The following IGDCC4 variants were observed in gnomAD, a reference collection of about 807,000 sequenced individuals.
The protein encoded by IGDCC4 is immunoglobulin superfamily DCC subclass member 4.
A neutral mutation model predicts 116.6 loss-of-function variants in IGDCC4; 72 were observed. The ratio of observed to expected loss-of-function variants is 0.62; its 90% CI spans 0.51 to 0.75. The LOEUF (loss-of-function observed/expected upper bound fraction) is 0.75. IGDCC4 is among the 30% of genes least tolerant of loss of function. The probability of loss-of-function intolerance (pLI) is 0.00; values close to 1 mark genes in which losing one functional copy is unlikely to be tolerated. For missense variants in IGDCC4, 1,501 were observed against 1,662.4 expected (o/e 0.90, Z 1.69); for synonymous variants, 709 against 719.9 (o/e 0.98, Z 0.24).
intron 16 of IGDCC4, among the ~76,000 whole-genome samples, chr15:65,387,218 G>C (rs889927450): frequency 6.6e-6 from 1 of 151,842 alleles, no homozygotes; most frequent in Non-Finnish European, 1.5e-5. Flanking sequence ...GTGGAGACAG[G>C]GTCTCACCAT....
intron 1 of IGDCC4, among the ~76,000 whole-genome samples, chr15:65,413,141 C>T (rs1056612046): frequency 6.6e-6 from 1 of 152,014 alleles, no homozygotes; most frequent in Admixed American, 6.6e-5. Context: ...GAAAGTCAGA[C>T]ATTCCCCCTT....
Position 65,393,465 on chromosome 15 carries a change from T to C in IGDCC4, c.1781A>G (p.Asn594Ser). 1 of 1,613,526 alleles carries C rather than the reference T, an allele frequency of 6.2e-7. No homozygotes were observed. Among genetic ancestry groups the C allele is most frequent in the East Asian group, 2.2e-5 (1 of 44,864 alleles). The change falls in exon 10 of 20, where the codon AAC (asparagine) becomes AGC (serine). Residue 594 changes from asparagine (N) to serine (S), a missense_variant. This residue lies in a region of IGDCC4 where 898 missense variants were observed against 978.9 expected (regional missense o/e 0.92). Transcript: ENST00000352385. The surrounding 1 kb of genome is among the most constrained non-coding windows in gnomAD (Gnocchi z 4.6). Reference protein sequence around the residue: ...TQLMLNSLQPNKVYRVRISAG... With the variant: ...TQLMLNSLQPSKVYRVRISAG... ...CGAAATCCGTACTCGATACACCTTG[T>C]TTGGCTGAAGCGAGTTCAGCATAAG... is the stretch of plus-strand genomic sequence containing the variant.
chr15:65,384,049 C>T lies in IGDCC4; in HGVS notation c.3713G>A (p.Ser1238Asn). 6.2e-7 allele frequency: 1 copy of T among 1,611,344 alleles called. No homozygotes were observed. The highest frequency in any genetic ancestry group is 8.5e-7 in the Non-Finnish European group (1 of 1,178,196). ...GACCGGGGATCTGGGCAGGCCTGGG[C>T]TGGCTCCTAGAGGGCAGGGGGATTT... is the stretch of plus-strand genomic sequence containing the variant. ...QLKSPCPLGA[S>N]PGLPRSPVSS... is the part of the protein sequence containing the mutation. Residue 1238 changes from serine to asparagine, a missense_variant, in exon 20 of 20, where the codon AGC becomes AAC. Ser to Asn is a conservative substitution (Grantham distance 46). Around this residue, in one of 3 missense-constraint regions of IGDCC4, gnomAD observed 368 missense variants for 355.6 expected, o/e 1.03. Coordinates refer to ENST00000352385, the MANE Select transcript of IGDCC4 (RefSeq NM_020962.3). This position sits in a 1 kb window ranked among gnomAD's most constrained non-coding sequence, Gnocchi z 4.9.
intron 12 of IGDCC4, 28 bp downstream of exon 12, chr15:65,391,852 C>T (rs1201231785): frequency 6.2e-7 from 1 of 1,601,836 alleles, no homozygotes; most frequent in Non-Finnish European, 8.5e-7. Context: ...CCTGAGCCCT[C>T]CCCGCCTTCT....
intron 1 of IGDCC4, among the ~76,000 whole-genome samples, chr15:65,412,827 G>T (rs1265348262): frequency 6.6e-6 from 1 of 152,006 alleles, no homozygotes; most frequent in African/African-American, 2.4e-5. Flanking sequence ...AGCCCAGAAG[G>T]TCGAGGCTGA....
chr15:65,405,129 T>TG (rs35901531), intron 3 of IGDCC4, among the ~76,000 whole-genome samples: 1,614 of 100,322 alleles, frequency 0.016, 29 homozygotes, highest in Admixed American at 0.035. Context: ...TATTAGTTAG[T>TG]GGGGGGGGGG....
At chr15:65,387,642 C>T (rs1223243345) in intron 16 of IGDCC4, among the ~76,000 whole-genome samples, 1 of 152,062 alleles carries the variant, frequency 6.6e-6, no homozygotes, top group Non-Finnish European at 1.5e-5. Flanking sequence ...CATAAGCCAC[C>T]GCGCCTGGCC....
At chr15:65,392,404 G>A in intron 10 of IGDCC4, 34 bp from the exon 11 acceptor site, 1 of 1,449,808 alleles carries the variant, frequency 6.9e-7, no homozygotes, top group Admixed American at 2.3e-5. Flanking sequence ...GGAAAATTAA[G>A]GAACAGAATG....
At chr15:65,421,420 T>A (rs2063189153) in intron 1 of IGDCC4, among the ~76,000 whole-genome samples, 1 of 152,004 alleles carries the variant, frequency 6.6e-6, no homozygotes, top group Non-Finnish European at 1.5e-5. Context: ...GGCCTCCAGC[T>A]CCTCTGGCCC....
rs1226927667 is a variant in IGDCC4 at position 65,390,179 on chromosome 15, GCATTC to G, written c.2379_2383del (p.Arg793SerfsTer51). The stretch of plus-strand genomic sequence containing the variant: ...CCTGGTGTAATAGGTGACCAGGGAG[GCATTC>G]CTGAGCCCCCAGGGGCTGAAGCGCA... On this transcript the variant is annotated frameshift_variant, in exon 13 of 20. Transcript: ENST00000352385. LOFTEE classifies it high-confidence loss of function. 1.3e-6 allele frequency: 2 copies of G among 1,595,082 alleles called. No individual in the cohort carries two copies. Among genetic ancestry groups the G allele is most frequent in the African/African-American group, 2.7e-5 (2 of 74,772 alleles).
intron 7 of IGDCC4, 31 bp downstream of exon 7, chr15:65,395,719 C>T (rs1206902432): frequency 2.1e-6 from 3 of 1,421,906 alleles, no homozygotes; most frequent in East Asian, 2.7e-5. Flanking sequence ...CCCGGGCCTG[C>T]GCTGGTGCAT....
rs746565789 is a variant in IGDCC4 at position 65,411,390 on chromosome 15, G to A, written c.71-20C>T. On this transcript the variant is annotated intron_variant, in intron 1 of 19. Transcript: ENST00000352385. Reference sequence around the variant, plus strand: ...GCTCCCCTGCATAGAGGAGGAGCACGGGGCCATCAGTGTATGTCCCCCCAC... The same window carrying A: ...GCTCCCCTGCATAGAGGAGGAGCACAGGGCCATCAGTGTATGTCCCCCCAC... 18 of 1,527,204 alleles carry A rather than the reference G, an allele frequency of 1.2e-5. No individual in the cohort carries two copies. Among genetic ancestry groups the A allele is most frequent in the East Asian group, 2.3e-5 (1 of 43,654 alleles). 94.6% of individuals were successfully genotyped at this position (1,527,204 alleles called of 1,614,324 possible).
intron 1 of IGDCC4, 47 bp from the exon 2 acceptor site, chr15:65,411,417 TC>T (rs1393176861): frequency 6.9e-7 from 1 of 1,441,780 alleles, no homozygotes; most frequent in East Asian, 2.4e-5. Flanking sequence ...TCCCCCCACC[TC>T]CCACAGCCTC....
intron 6 of IGDCC4, 188 bp from the exon 7 acceptor site, chr15:65,396,351 T>G: frequency 5.8e-6 from 4 of 694,868 alleles, no homozygotes; most frequent in Non-Finnish European, 1.0e-5. Context: ...TCTCCCCATT[T>G]ACCCCAGCCC....
chr15:65,422,403 C>T (rs369271201), intron 1 of IGDCC4, among the ~76,000 whole-genome samples: 1 of 151,966 alleles, frequency 6.6e-6, no homozygotes, highest in East Asian at 1.9e-4. Flanking sequence ...CAACCCAAGA[C>T]ACGCGCAGGC....
In IGDCC4 at chr15:65,383,839, G is replaced by A. The variant is rs574565022; in HGVS notation, c.*170C>T. On this transcript the variant is annotated 3_prime_UTR_variant, in exon 20 of 20. Transcript: ENST00000352385. ...TCACATGTGTATCACAAAGAGTATGGGGGGAGTGAATAATCCATGTTTTCC... is the reference window on the plus strand; with the variant it reads ...TCACATGTGTATCACAAAGAGTATGAGGGGAGTGAATAATCCATGTTTTCC... 12 of 561,158 alleles carry A rather than the reference G, an allele frequency of 2.1e-5. No homozygotes were observed. The highest frequency in any genetic ancestry group is 3.3e-5 in the Admixed American group (1 of 30,454). 34.8% of individuals were successfully genotyped at this position (561,158 alleles called of 1,614,324 possible).
intron 11 of IGDCC4, 54 bp downstream of exon 11, chr15:65,392,080 C>T: frequency 6.5e-7 from 1 of 1,540,862 alleles, no homozygotes. Context: ...CACAACTTGC[C>T]CAGTCCCCAC....
chr15:65,394,228 G>A (rs2062895958), intron 9 of IGDCC4, among the ~76,000 whole-genome samples, 183 bp downstream of exon 9: 1 of 148,814 alleles, frequency 6.7e-6, no homozygotes, highest in Admixed American at 6.8e-5. Flanking sequence ...CCTTAAGCTA[G>A]GCCCCTCTGT....
Position 65,411,022 on chromosome 15 carries a change from G to T in IGDCC4, c.419C>A (p.Ala140Asp). The T allele has an allele frequency of 1.2e-6, 2 of 1,604,108 alleles. No homozygotes were observed. Among genetic ancestry groups the T allele is most frequent in the Non-Finnish European group, 1.7e-6 (2 of 1,173,214 alleles). ...CCCCGCCCGATGCAAGCACTTACTG[G>T]CAAGCTTGACGACAGCAGTCTGGCT... ...LASQTAVVKL[A>D]TLADFSLHPE... The change falls in exon 2 of 20, where the codon GCC becomes GAC. Residue 140 changes from alanine (A) to aspartate (D), a missense_variant and splice_region_variant. Physicochemically the swap from Ala to Asp is moderately radical, Grantham distance 126. This residue lies in a region of IGDCC4 where 898 missense variants were observed against 978.9 expected (regional missense o/e 0.92). Transcript: ENST00000352385.
Sources: gnomAD v4.1 joint callset for allele counts (sites outside exome capture counted in the v4.1 genomes callset) on GRCh38, gnomAD v4.1.1 for gene constraint, gnomAD v4.1.1 regional missense constraint, Gnocchi (gnomAD v3.1) non-coding constraint, MANE v1.5 for transcripts, NCBI Gene and HGNC (gene_info 2026-07-23, HGNC 2026-07-21) for gene names.